STPG1: variants seen among roughly 807,000 people sequenced by gnomAD.
STPG1 encodes the protein O(6)-methylguanine-induced apoptosis 2.
A neutral mutation model predicts 40.1 loss-of-function variants in STPG1; 33 were observed. The ratio of observed to expected loss-of-function variants is 0.82; its 90% confidence interval spans 0.62 to 1.10. The LOEUF is 1.10. Among genes scored for constraint, STPG1 ranks in the 50% least tolerant of loss-of-function variants. STPG1 has a pLI of 0.00. For missense variants in STPG1, 396 were observed against 415.1 expected (o/e 0.95, Z 0.40); for synonymous variants, 150 against 155.0 (o/e 0.97, Z 0.24).
intron 7 of STPG1, among the ~76,000 whole-genome samples, chr1:24,362,780 T>C (rs1037610700): frequency 1.3e-5 from 2 of 152,192 alleles, no homozygotes; most frequent in African/African-American, 4.8e-5. Flanking sequence ...ATAAATGTGC[T>C]TGGGCTCACA....
chr1:24,413,505 A>T (rs1272996667), intron 1 of STPG1, among the ~76,000 whole-genome samples, 169 bp downstream of exon 1: 1 of 152,248 alleles, frequency 6.6e-6, no homozygotes, highest in Non-Finnish European at 1.5e-5. Context: ...GGCAACTCCC[A>T]TGGTGGCTTC....
At chr1:24,360,628 A>G (rs939058498) in intron 8 of STPG1, among the ~76,000 whole-genome samples, 3 of 152,220 alleles carry the variant, frequency 2.0e-5, no homozygotes, top group African/African-American at 7.2e-5. Flanking sequence ...CATGGTCCTC[A>G]GTATGAATCC....
rs35727978 is a variant in STPG1, at chr1:24,392,858, G to GA, written c.71-1180dup. On this transcript the variant is annotated intron_variant, in intron 2 of 8. Coordinates refer to ENST00000337248, the MANE Select transcript of STPG1 (RefSeq NM_001199013.2). ...AGAGGAAATACGCGCAGAAATGGGGGAAAAAAAACAGTCAAGAGAAGGAAA... is the reference window on the plus strand; with the variant it reads ...AGAGGAAATACGCGCAGAAATGGGGGAAAAAAAAACAGTCAAGAGAAGGAAA... 1.8e-3 allele frequency among the ~76,000 whole-genome samples: 270 copies of GA among 151,252 alleles called. 1 individual carries two copies. The highest frequency in any genetic ancestry group is 0.01 in the Middle Eastern group (3 of 294).
At chr1:24,409,144 G>A (rs908283893) in intron 1 of STPG1, among the ~76,000 whole-genome samples, 21 of 152,138 alleles carry the variant, frequency 1.4e-4, no homozygotes, top group African/African-American at 5.1e-4. Flanking sequence ...GAGGTTAGGC[G>A]ATAGCTTGAG....
At chr1:24,379,944 T>G in intron 4 of STPG1, 121 bp from the exon 5 acceptor site, 2 of 982,648 alleles carry the variant, frequency 2.0e-6, no homozygotes, top group Non-Finnish European at 2.9e-6. Context: ...GGCGAAACTC[T>G]GGCAGTAACA....
rs373557572 is a variant in STPG1 at position 24,367,162 on chromosome 1, G to A, written c.737+2512C>T. On this transcript the variant is annotated intron_variant, in intron 7 of 8. Coordinates refer to ENST00000337248, the MANE Select transcript of STPG1 (RefSeq NM_001199013.2). ...GCTGCAGGCTCCTCCACCTGGCTTCGAGGCTGTTCCCAGATGAGGTTGGCT... is the reference window on the plus strand; with the variant it reads ...GCTGCAGGCTCCTCCACCTGGCTTCAAGGCTGTTCCCAGATGAGGTTGGCT... Among the ~76,000 whole-genome samples the A allele has an allele frequency of 1.1e-4, 17 of 152,276 alleles. No individual in the cohort carries two copies. In the South Asian group the frequency reaches 3.3e-3, roughly 30 times the overall value.
intron 1 of STPG1, among the ~76,000 whole-genome samples, chr1:24,404,407 G>A (rs527594631): frequency 6.6e-6 from 1 of 152,278 alleles, no homozygotes; most frequent in Admixed American, 6.5e-5. Flanking sequence ...TTTTAAAAAT[G>A]TCTTTGATTT....
intron 8 of STPG1, among the ~76,000 whole-genome samples, chr1:24,360,138 T>C (rs1569956693): frequency 1.3e-5 from 2 of 152,316 alleles, no homozygotes; most frequent in South Asian, 2.1e-4. Context: ...GTAGTTTAAA[T>C]ATTTTTAAGA....
At chr1:24,393,796 G>T (rs1642878334) in intron 2 of STPG1, among the ~76,000 whole-genome samples, 1 of 152,190 alleles carries the variant, frequency 6.6e-6, no homozygotes, top group Admixed American at 6.5e-5. Context: ...CTGGACATCA[G>T]GCAACAAAGG....
intron 2 of STPG1, among the ~76,000 whole-genome samples, chr1:24,393,545 A>G (rs1642868321): frequency 6.6e-6 from 1 of 152,158 alleles, no homozygotes; most frequent in South Asian, 2.1e-4. Context: ...TAAAGGAAGG[A>G]CATTCTCCTG....
rs2148695470 is a variant in STPG1, at chr1:24,379,833, G to A, written c.292-10C>T. 5 of 1,612,256 alleles carry A rather than the reference G, an allele frequency of 3.1e-6. No individual in the cohort carries two copies. Among genetic ancestry groups the A allele is most frequent in the Non-Finnish European group, 3.4e-6 (4 of 1,178,548 alleles). ...TGTCCAATCGGGCGCACTGTAAGGA[G>A]ACAACCAAAGGAATCAGCATTGTCA... On this transcript the variant is annotated splice_polypyrimidine_tract_variant and intron_variant, in intron 4 of 8. Coordinates refer to ENST00000337248, the MANE Select transcript of STPG1 (RefSeq NM_001199013.2).
chr1:24,358,655 GA>G (rs781115517), intron 8 of STPG1, 36 bp from the exon 9 acceptor site: 2 of 1,532,474 alleles, frequency 1.3e-6, no homozygotes, highest in African/African-American at 1.4e-5. Context: ...CATTAAGAGA[GA>G]AAAGGCCCAT....
In STPG1 at chr1:24,357,835, A is replaced by C. The variant is rs1458654546; in HGVS notation, c.*708T>G. The C allele has an allele frequency of 1.7e-5, 5 of 297,724 alleles. No homozygotes were observed. In the East Asian group the frequency reaches 4.2e-4, roughly 25 times the overall value. 18.4% of individuals were successfully genotyped at this position (297,724 alleles called of 1,614,324 possible). ...TCCATGGAAGGGCCTGTAAGCCTTG[A>C]GAAAATTCAGTCCCGCCAGCAGAGA... On this transcript the variant is annotated 3_prime_UTR_variant, in exon 9 of 9. Transcript: ENST00000337248.
intron 2 of STPG1, among the ~76,000 whole-genome samples, chr1:24,393,856 T>C (rs497823): frequency 0.47 from 71,248 of 152,012 alleles, 19,462 homozygotes; most frequent in African/African-American, 0.77. Flanking sequence ...AATAAGATGG[T>C]CCCCAGCTTT....
At chr1:24,412,852 A>C (rs535443543) in intron 1 of STPG1, among the ~76,000 whole-genome samples, 1 of 152,376 alleles carries the variant, frequency 6.6e-6, no homozygotes, top group Non-Finnish European at 1.5e-5. Flanking sequence ...GTTAGATTCT[A>C]CAAGGACAGC....
chr1:24,378,579 T>C (rs937488612), intron 5 of STPG1, among the ~76,000 whole-genome samples: 3 of 152,134 alleles, frequency 2.0e-5, no homozygotes, highest in South Asian at 4.1e-4. Context: ...AGCCTGCAGA[T>C]TGCACCACTG....
At chr1:24,365,942 C>T (rs918548272) in intron 7 of STPG1, among the ~76,000 whole-genome samples, 2 of 152,184 alleles carry the variant, frequency 1.3e-5, no homozygotes, top group African/African-American at 4.8e-5. Flanking sequence ...ACGTGATCAG[C>T]CGTTCCCTGC....
At chr1:24,391,416 CCT>C in intron 3 of STPG1, 143 bp downstream of exon 3, 1 of 540,288 alleles carries the variant, frequency 1.9e-6, no homozygotes, top group Non-Finnish European at 3.3e-6. Flanking sequence ...AGTCGGTGCC[CCT>C]CAGTGGAGCT....
At chr1:24,372,077 C>T (rs765051973) in intron 6 of STPG1, among the ~76,000 whole-genome samples, 1 of 152,192 alleles carries the variant, frequency 6.6e-6, no homozygotes, top group Non-Finnish European at 1.5e-5. Flanking sequence ...ACTTGGGAGG[C>T]TGAGGCAGGA....
Sources: allele counts gnomAD v4.1 joint callset (sites outside exome capture counted in the v4.1 genomes callset), GRCh38; gene constraint gnomAD v4.1.1; transcripts MANE v1.5; gene names NCBI Gene and HGNC (gene_info 2026-07-23, HGNC 2026-07-21).